The following ATRN variants were observed in gnomAD, a reference collection of about 807,000 sequenced individuals.
The protein encoded by ATRN is attractin-2.
A neutral mutation model predicts 178.7 loss-of-function variants in ATRN; 54 were observed. That is an observed-to-expected ratio of 0.30 (90% confidence interval 0.24 to 0.38). ATRN has a LOEUF of 0.38. Among genes scored for constraint, ATRN ranks in the 10% least tolerant of loss-of-function variants. The pLI is 1.00. For missense variants in ATRN, 1,443 were observed against 1,815.1 expected, an observed-to-expected ratio of 0.79 and a Z score of 3.73; for synonymous variants, 636 against 663.0, an observed-to-expected ratio of 0.96 and a Z score of 0.63.
At chr20:3,513,218 C>T (rs2085161010) in intron 1 of ATRN, among the ~76,000 whole-genome samples, 1 of 152,182 alleles carries the variant, frequency 6.6e-6, no homozygotes, top group African/African-American at 2.4e-5. Context: ...CCTAGGTTCT[C>T]TTCTAGGGTT....
intron 2 of ATRN, among the ~76,000 whole-genome samples, chr20:3,539,517 GT>G (rs1028437045): frequency 6.6e-6 from 1 of 152,150 alleles, no homozygotes; most frequent in African/African-American, 2.4e-5. Context: ...GAATTTTAGG[GT>G]TTTTTTATCT....
At chr20:3,563,463 A>G in intron 10 of ATRN, 100 bp downstream of exon 10, 1 of 1,259,528 alleles carries the variant, frequency 7.9e-7, no homozygotes, top group Admixed American at 2.2e-5. Flanking sequence ...CAAAATGATC[A>G]GGCCATTTGA....
chr20:3,525,441 A>T (rs758565036), intron 1 of ATRN, among the ~76,000 whole-genome samples: 2 of 152,204 alleles, frequency 1.3e-5, no homozygotes, highest in Non-Finnish European at 1.5e-5. Flanking sequence ...CCAGGCCCAG[A>T]CAGATTCACA....
chr20:3,550,529 G>T (rs1336847740), intron 6 of ATRN, among the ~76,000 whole-genome samples: 1 of 152,172 alleles, frequency 6.6e-6, no homozygotes, highest in Non-Finnish European at 1.5e-5. Context: ...CAGTGGTCAG[G>T]TCAGGTTAGT....
intron 27 of ATRN, among the ~76,000 whole-genome samples, chr20:3,642,449 G>C (rs2087076668): frequency 6.6e-6 from 1 of 152,206 alleles, no homozygotes; most frequent in African/African-American, 2.4e-5. Context: ...AATTGTTCTT[G>C]ACTCATTCTT....
chr20:3,629,260 C>G, intron 25 of ATRN: 1 of 985,408 alleles, frequency 1.0e-6, no homozygotes, highest in Non-Finnish European at 1.2e-6. Flanking sequence ...CCCTTACCTT[C>G]CTGTCGTATC....
At chr20:3,543,487 C>T (rs1433660110) in intron 3 of ATRN, among the ~76,000 whole-genome samples, 3 of 151,932 alleles carry the variant, frequency 2.0e-5, no homozygotes, top group Non-Finnish European at 2.9e-5. Flanking sequence ...TTTGGGAGGC[C>T]GAGGTGGGCG....
intron 1 of ATRN, among the ~76,000 whole-genome samples, chr20:3,512,107 A>ATATATATATATTTTTTT: frequency 1.7e-4 from 18 of 106,384 alleles, no homozygotes; most frequent in African/African-American, 2.2e-4. Context: ...ATATATATAT[A>ATATATATATATTTTTTT]TTTTTTTTTT....
At chr20:3,528,188 TG>T (rs2085398914) in intron 1 of ATRN, among the ~76,000 whole-genome samples, 1 of 151,604 alleles carries the variant, frequency 6.6e-6, no homozygotes, top group Non-Finnish European at 1.5e-5. Flanking sequence ...GCCAAGATGG[TG>T]AAACCCCGTC....
chr20:3,635,053 A>G (rs1479203630), intron 26 of ATRN, among the ~76,000 whole-genome samples: 2 of 152,070 alleles, frequency 1.3e-5, no homozygotes, highest in Non-Finnish European at 2.9e-5. Flanking sequence ...ATTTATATAC[A>G]TTTGCAGCAA....
chr20:3,604,406 C>A, intron 24 of ATRN, 144 bp downstream of exon 24: 1 of 916,294 alleles, frequency 1.1e-6, no homozygotes. Flanking sequence ...GAGTGCTGAG[C>A]ACATGCATGC....
At chr20:3,551,272 C>G (rs948818850) in intron 6 of ATRN, among the ~76,000 whole-genome samples, 8 of 152,160 alleles carry the variant, frequency 5.3e-5, no homozygotes, top group African/African-American at 1.9e-4. Flanking sequence ...CCCAAGAAAC[C>G]CCTCAGTACT....
At chr20:3,547,533 C>T in intron 5 of ATRN, 44 bp downstream of exon 5, 1 of 1,423,324 alleles carries the variant, frequency 7.0e-7, no homozygotes, top group Non-Finnish European at 9.8e-7. Flanking sequence ...ATTTATAGAA[C>T]ATTCCCACTA....
At position 3,565,415 on chromosome 20, in the gene ATRN, A is replaced by T; in HGVS notation, c.1854A>T (p.Ser618=). The T allele has an allele frequency of 6.2e-7, 1 of 1,613,842 alleles. No homozygotes were observed. Among genetic ancestry groups the T allele is most frequent in the Non-Finnish European group, 8.5e-7 (1 of 1,179,754 alleles). The change falls in exon 11 of 29, where the codon TCA becomes TCT. Residue 618 remains serine, a synonymous_variant. Transcript: ENST00000262919. The part of the protein sequence containing the change: ...LHHDVNRFGH[S]AVLHNSTMYV... ...ATGATGTCAACAGATTTGGCCATTCAGCAGTCTTACACAACAGGTAATTGG... is the reference window on the plus strand; with the variant it reads ...ATGATGTCAACAGATTTGGCCATTCTGCAGTCTTACACAACAGGTAATTGG...
chr20:3,494,384 C>T (rs192766247), intron 1 of ATRN, among the ~76,000 whole-genome samples: 1 of 152,228 alleles, frequency 6.6e-6, no homozygotes, highest in East Asian at 1.9e-4. Context: ...CAAGTTTTGA[C>T]ATGATCAGAT....
chr20:3,563,149 A>T (rs2085978290), intron 9 of ATRN, 60 bp from the exon 10 acceptor site: 5 of 1,449,432 alleles, frequency 3.4e-6, no homozygotes, highest in Non-Finnish European at 4.7e-6. Flanking sequence ...GCATTAGCAG[A>T]TACATAAATA....
chr20:3,627,736 A>G (rs1015584796), intron 25 of ATRN, among the ~76,000 whole-genome samples: 1 of 152,242 alleles, frequency 6.6e-6, no homozygotes, highest in Non-Finnish European at 1.5e-5. Context: ...GAATGGGACC[A>G]TTAAAAGAAA....
intron 25 of ATRN, among the ~76,000 whole-genome samples, chr20:3,633,376 A>C (rs146259401): frequency 4.7e-4 from 71 of 152,332 alleles, no homozygotes; most frequent in African/African-American, 1.5e-3. Context: ...CCCTCTCTCC[A>C]GCCAGCCCAG....
intron 17 of ATRN, 84 bp downstream of exon 17, chr20:3,584,167 C>T (rs766361736): frequency 4.9e-6 from 7 of 1,430,038 alleles, no homozygotes; most frequent in Non-Finnish European, 6.7e-6. Flanking sequence ...CTGTCAGCCT[C>T]TGAACATTTT....
Sources: gnomAD v4.1 joint callset for allele counts (sites outside exome capture counted in the v4.1 genomes callset) on GRCh38, gnomAD v4.1.1 for gene constraint, MANE v1.5 for transcripts, NCBI Gene and HGNC (gene_info 2026-07-23, HGNC 2026-07-21) for gene names.